Variants in SDK2 observed in about 807,000 individuals in gnomAD.
SDK2 encodes protein sidekick-2.
In SDK2, 105 loss-of-function variants were observed where a neutral mutation model predicts 253.9. That is an observed-to-expected ratio of 0.41 (90% CI 0.35 to 0.49). The LOEUF is 0.49. Among genes scored for constraint, SDK2 ranks in the 20% least tolerant of loss-of-function variants. SDK2 has a pLI of 0.06. For missense variants in SDK2, 2,608 were observed against 3,003.0 expected (o/e 0.87, Z 3.07); for synonymous variants, 1,249 against 1,234.9 (o/e 1.01, Z -0.24).
At chr17:73,551,498 T>G (rs2145837476) in intron 1 of SDK2, among the ~76,000 whole-genome samples, 1 of 152,326 alleles carries the variant, frequency 6.6e-6, no homozygotes, top group South Asian at 2.1e-4. Flanking sequence ...TTCTCCCTCC[T>G]TCCATCTCTG....
At chr17:73,617,936 C>T (rs925447141) in intron 1 of SDK2, among the ~76,000 whole-genome samples, 18 of 152,072 alleles carry the variant, frequency 1.2e-4, no homozygotes, top group African/African-American at 4.1e-4. Flanking sequence ...GATCTAAACG[C>T]CTTAAAACAA....
intron 1 of SDK2, among the ~76,000 whole-genome samples, chr17:73,640,373 C>T (rs11867979): frequency 0.23 from 34,663 of 151,886 alleles, 4,257 homozygotes; most frequent in South Asian, 0.28. Flanking sequence ...GGGCCATTTT[C>T]TGCAGCCAGT....
chr17:73,365,220 G>GTGGGGGGC, intron 38 of SDK2, 38 bp downstream of exon 38: 1 of 1,506,384 alleles, frequency 6.6e-7, no homozygotes, highest in Admixed American at 2.1e-5. Flanking sequence ...CTTTTGCAAA[G>GTGGGGGGC]TGGGGGGCTG....
chr17:73,627,903 T>A (rs921402780), intron 1 of SDK2, among the ~76,000 whole-genome samples: 13 of 151,494 alleles, frequency 8.6e-5, no homozygotes, highest in African/African-American at 2.4e-4. Context: ...CAAAAAAAAA[T>A]TAGCCAGGCG....
At chr17:73,636,680 CAAAAAAAAAAA>C (rs561026344) in intron 1 of SDK2, among the ~76,000 whole-genome samples, 10 of 50,988 alleles carry the variant, frequency 2.0e-4, no homozygotes, top group Admixed American at 9.9e-4. Flanking sequence ...GACTCTGTCT[CAAAAAAAAAAA>C]AAAAAAAAAA....
chr17:73,466,365 G>A (rs945763695), intron 3 of SDK2, among the ~76,000 whole-genome samples: 12 of 152,202 alleles, frequency 7.9e-5, no homozygotes, highest in Admixed American at 4.6e-4. Context: ...ACTCAGGTCA[G>A]TCCGTACTCA....
rs556864609 is a variant in SDK2, at chr17:73,402,880, C to T, written c.2485-739G>A. On this transcript the variant is annotated intron_variant, in intron 18 of 44. Coordinates refer to ENST00000392650, the MANE Select transcript of SDK2 (RefSeq NM_001144952.2). ...TGGCAAGATCTAGGCTCACTGCAAC[C>T]TCTGCCTCCCGGGTTCAAGTGATTC... Among the ~76,000 whole-genome samples, 5 of 152,260 alleles carry T rather than the reference C, an allele frequency of 3.3e-5. No homozygotes were observed. In the East Asian group the frequency reaches 5.8e-4, roughly 18 times the overall value.
At chr17:73,600,383 A>G (rs1056535672) in intron 1 of SDK2, among the ~76,000 whole-genome samples, 1 of 152,166 alleles carries the variant, frequency 6.6e-6, no homozygotes, top group Non-Finnish European at 1.5e-5. Flanking sequence ...TAATTTGTTC[A>G]TTAAAAACGG....
At chr17:73,606,956 T>C (rs748062361) in intron 1 of SDK2, among the ~76,000 whole-genome samples, 1 of 152,164 alleles carries the variant, frequency 6.6e-6, no homozygotes, top group Non-Finnish European at 1.5e-5. Context: ...TGGAAAAGCA[T>C]TGGAATGGCC....
At chr17:73,520,910 G>A (rs938389843) in intron 1 of SDK2, 3 of 152,360 alleles carry the variant, frequency 2.0e-5, no homozygotes, top group Admixed American at 6.5e-5. Flanking sequence ...GGAGAGAGGG[G>A]AATGGGGAGT....
At chr17:73,500,613 T>C (rs2063882831) in intron 2 of SDK2, among the ~76,000 whole-genome samples, 1 of 131,700 alleles carries the variant, frequency 7.6e-6, no homozygotes, top group Non-Finnish European at 1.6e-5. Context: ...TTCTATCTCC[T>C]CCATCCTCTC....
intron 3 of SDK2, among the ~76,000 whole-genome samples, chr17:73,461,547 G>A (rs1468944698): frequency 6.6e-6 from 1 of 152,218 alleles, no homozygotes; most frequent in Non-Finnish European, 1.5e-5. Flanking sequence ...AAGGCTCAGA[G>A]GTAGGAGAGA....
intron 33 of SDK2, among the ~76,000 whole-genome samples, 168 bp from the exon 34 acceptor site, chr17:73,381,118 A>G (rs1401015585): frequency 6.6e-6 from 1 of 152,204 alleles, no homozygotes; most frequent in Admixed American, 6.5e-5. Flanking sequence ...ACGGGCCAGG[A>G]TAACAGGGTT....
Position 73,435,757 on chromosome 17 carries a change from T to A in SDK2, c.1001-113A>T. On this transcript the variant is annotated intron_variant, in intron 8 of 44. Transcript: ENST00000392650. The surrounding 1 kb of genome is among the most constrained non-coding windows in gnomAD (Gnocchi z 5.7). ...AATCTGCGAGGGGGTCCCTGGTGAATCTTGGTGTCTAGAACCTTCTCAGAG... is the reference window on the plus strand; with the variant it reads ...AATCTGCGAGGGGGTCCCTGGTGAAACTTGGTGTCTAGAACCTTCTCAGAG... 1.0e-6 allele frequency: 1 copy of A among 967,808 alleles called. No individual in the cohort carries two copies. Among genetic ancestry groups the A allele is most frequent in the South Asian group, 1.7e-5 (1 of 59,532 alleles). The allele number at this position is 967,808 out of a possible 1,614,324, so 60.0% of individuals were successfully genotyped here.
chr17:73,585,919 C>A (rs1420793869), intron 1 of SDK2, among the ~76,000 whole-genome samples: 1 of 152,192 alleles, frequency 6.6e-6, no homozygotes, highest in African/African-American at 2.4e-5. Context: ...CATTAAACGG[C>A]ACACCAAGCG....
chr17:73,373,673 T>C (rs907476452), intron 36 of SDK2, among the ~76,000 whole-genome samples: 5 of 152,224 alleles, frequency 3.3e-5, no homozygotes, highest in African/African-American at 7.2e-5. Context: ...TTCTTTTTTT[T>C]TGAGTTGGAG....
Position 73,530,521 on chromosome 17 carries a change from A to G in SDK2, c.65-22924T>C, listed in dbSNP as rs543653623. ...TGAGATGAGATTTCAGTGGAGACAC[A>G]GAGCCAAACCATATCACCTCCCTAG... On this transcript the variant is annotated intron_variant, in intron 1 of 44. Coordinates refer to ENST00000392650, the MANE Select transcript of SDK2 (RefSeq NM_001144952.2). 3.3e-5 allele frequency among the ~76,000 whole-genome samples: 5 copies of G among 152,178 alleles called. No homozygotes were observed. In the South Asian group the frequency reaches 6.2e-4, roughly 19 times the overall value.
chr17:73,592,959 C>T (rs368567222), intron 1 of SDK2, among the ~76,000 whole-genome samples: 4 of 149,226 alleles, frequency 2.7e-5, no homozygotes, highest in East Asian at 4.2e-4. Flanking sequence ...GTCCGTAGCT[C>T]GCCGGTGTCA....
At chr17:73,370,250 A>AT (rs1337779047) in intron 36 of SDK2, among the ~76,000 whole-genome samples, 1 of 151,830 alleles carries the variant, frequency 6.6e-6, no homozygotes, top group East Asian at 1.9e-4. Context: ...CTTTATTATT[A>AT]TTTTTTTATT....
Sources: gnomAD v4.1 joint callset for allele counts (sites outside exome capture counted in the v4.1 genomes callset) on GRCh38, gnomAD v4.1.1 for gene constraint, Gnocchi (gnomAD v3.1) non-coding constraint, MANE v1.5 for transcripts, NCBI Gene and HGNC (gene_info 2026-07-23, HGNC 2026-07-21) for gene names.